BOD1L1: variants seen among roughly 807,000 people sequenced by gnomAD.
BOD1L1 encodes biorientation of chromosomes in cell division protein 1-like 1.
A neutral mutation model predicts 240.7 loss-of-function variants in BOD1L1; 86 were observed. The ratio of observed to expected loss-of-function variants is 0.36; its 90% CI spans 0.30 to 0.43. BOD1L1 has a LOEUF of 0.43. Among genes scored for constraint, BOD1L1 ranks in the 20% least tolerant of loss-of-function variants. BOD1L1 has a pLI of 1.00. For synonymous variants in BOD1L1, 1,268 were observed against 1,272.3 expected (o/e 1.00, Z 0.07); for missense variants, 3,554 against 3,643.5 (o/e 0.98, Z 0.63).
At chr4:13,587,437 CT>C in intron 16 of BOD1L1, among the ~76,000 whole-genome samples, 1 of 152,226 alleles carries the variant, frequency 6.6e-6, no homozygotes, top group Admixed American at 6.5e-5. Context: ...CCTGGCTGGG[CT>C]CCAGGGTGTG....
chr4:13,619,305 T>TA (rs10650324), intron 2 of BOD1L1, among the ~76,000 whole-genome samples: 26,424 of 130,734 alleles, frequency 0.2, 3,343 homozygotes, highest in African/African-American at 0.34. Flanking sequence ...TGAGACTCTT[T>TA]AAAAAAAAAA....
chr4:13,587,259 T>A (rs1713777720), intron 16 of BOD1L1, among the ~76,000 whole-genome samples: 1 of 152,206 alleles, frequency 6.6e-6, no homozygotes, highest in African/African-American at 2.4e-5. Flanking sequence ...ACAAAATAAA[T>A]GTACAAGACT....
Position 13,600,980 on chromosome 4 carries a change from C to T in BOD1L1, c.5920G>A (p.Gly1974Ser). 6.2e-6 allele frequency: 10 copies of T among 1,613,866 alleles called. No homozygotes were observed. The South Asian group carries it at 9.9e-5, about 16-fold the overall frequency. ...GKDEVTPVPG[G>S]CEGPMTSAAS... is the part of the protein sequence containing the mutation. Reference sequence around the variant, plus strand: ...GCACTAGTCATAGGACCCTCACAACCTCCTGGAACTGGTGTCACTTCATCC... The same window carrying T: ...GCACTAGTCATAGGACCCTCACAACTTCCTGGAACTGGTGTCACTTCATCC... Residue 1974 changes from glycine to serine, a missense_variant, in exon 10 of 26, where the codon GGT becomes AGT. Gly to Ser is a moderately conservative substitution (Grantham distance 56). Around this residue, in one of 2 missense-constraint regions of BOD1L1, gnomAD observed 3,393 missense variants for 3,427.1 expected, o/e 0.99. Transcript: ENST00000040738.
chr4:13,589,602 T>A (rs944550654), intron 14 of BOD1L1, among the ~76,000 whole-genome samples: 1 of 152,196 alleles, frequency 6.6e-6, no homozygotes, highest in African/African-American at 2.4e-5. Flanking sequence ...TGGACCTATA[T>A]ATAATTAATG....
chr4:13,600,029 C>A lies in BOD1L1; in HGVS notation c.6871G>T (p.Ala2291Ser). The A allele has an allele frequency of 1.9e-6, 3 of 1,608,996 alleles. No individual in the cohort carries two copies. Among genetic ancestry groups the A allele is most frequent in the Non-Finnish European group, 2.5e-6 (3 of 1,177,406 alleles). Residue 2291 changes from alanine to serine, a missense_variant, in exon 10 of 26, where the codon GCC (alanine) becomes TCC (serine). Ala to Ser is a moderately conservative substitution (Grantham distance 99). Around this residue, in one of 2 missense-constraint regions of BOD1L1, gnomAD observed 3,393 missense variants for 3,427.1 expected, o/e 0.99. Transcript: ENST00000040738. ...VTPAEEMGDT[A>S]MISTSTSEGC... Reference sequence around the variant, plus strand: ...TCAGAGGTGCTTGTGGAAATCATGGCGGTGTCACCCATCTCTTCCGCTGGT... The same window carrying A: ...TCAGAGGTGCTTGTGGAAATCATGGAGGTGTCACCCATCTCTTCCGCTGGT...
In BOD1L1 at chr4:13,586,357, C is replaced by G. The variant is rs763093850; in HGVS notation, c.8433+39G>C. 2.9e-6 allele frequency: 4 copies of G among 1,398,494 alleles called. No individual in the cohort carries two copies. In the South Asian group the frequency reaches 4.8e-5, roughly 17 times the overall value. The allele number at this position is 1,398,494 out of a possible 1,614,324, so 86.6% of individuals were successfully genotyped here. The stretch of plus-strand genomic sequence containing the variant: ...CAATGCTGTAATTAGGCCTCCCTAC[C>G]CCCACCCAAAACTTAAAACTAATAT... On this transcript the variant is annotated intron_variant, in intron 17 of 25. Transcript: ENST00000040738.
At chr4:13,597,675 A>T (rs922601734) in intron 10 of BOD1L1, among the ~76,000 whole-genome samples, 2 of 152,204 alleles carry the variant, frequency 1.3e-5, no homozygotes, top group Non-Finnish European at 2.9e-5. Context: ...TGCCTCTTAT[A>T]TCCTTCTTTA....
intron 5 of BOD1L1, among the ~76,000 whole-genome samples, chr4:13,612,725 C>T (rs1039746025): frequency 6.6e-6 from 1 of 152,064 alleles, no homozygotes; most frequent in Non-Finnish European, 1.5e-5. Context: ...TTTCAGAGTG[C>T]GAAGGCTCTT....
intron 2 of BOD1L1, among the ~76,000 whole-genome samples, chr4:13,617,544 G>A (rs1007785494): frequency 2.0e-5 from 3 of 152,148 alleles, no homozygotes; most frequent in African/African-American, 4.8e-5. Flanking sequence ...AACAGCTGGC[G>A]TTTTTCTGGT....
chr4:13,602,117 C>T lies in BOD1L1; in HGVS notation c.4783G>A (p.Val1595Ile). The change falls in exon 10 of 26, where the codon GTT (valine) becomes ATT (isoleucine). Residue 1595 changes from valine (V) to isoleucine (I), a missense_variant. By Grantham distance (29) the Val-to-Ile change is conservative. Coordinates refer to ENST00000040738, the MANE Select transcript of BOD1L1 (RefSeq NM_148894.3). ...VFAAAEEGGA[V>I]VTEGFAESET... ...CTTTCAGCAAATCCCTCTGTGACAA[C>T]AGCCCCACCTTCTTCAGCTGCAGCA... The T allele has an allele frequency of 1.2e-6, 2 of 1,614,030 alleles. No individual in the cohort carries two copies. The highest frequency in any genetic ancestry group is 1.7e-6 in the Non-Finnish European group (2 of 1,179,898).
At chr4:13,573,529 C>T (rs1712430696) in intron 25 of BOD1L1, among the ~76,000 whole-genome samples, 1 of 147,952 alleles carries the variant, frequency 6.8e-6, no homozygotes, top group South Asian at 2.1e-4. Context: ...ATCTTTCTTT[C>T]TTTCTTTCTT....
intron 15 of BOD1L1, among the ~76,000 whole-genome samples, chr4:13,588,003 G>A (rs959902135): frequency 1.3e-5 from 2 of 152,114 alleles, no homozygotes; most frequent in African/African-American, 4.8e-5. Context: ...GGCTAACACG[G>A]TGAAACCCCG....
At chr4:13,584,828 A>G (rs1713544091) in intron 17 of BOD1L1, among the ~76,000 whole-genome samples, 1 of 152,166 alleles carries the variant, frequency 6.6e-6, no homozygotes, top group African/African-American at 2.4e-5. Context: ...ATAAAATGGC[A>G]CATATTTACT....
Position 13,600,761 on chromosome 4 carries a change from T to G in BOD1L1, c.6139A>C (p.Met2047Leu). 6.2e-7 allele frequency: 1 copy of G among 1,614,054 alleles called. No individual in the cohort carries two copies. The highest frequency in any genetic ancestry group is 2.2e-5 in the East Asian group (1 of 44,888). The change falls in exon 10 of 26, where the codon ATG (methionine) becomes CTG (leucine). Residue 2047 changes from methionine (M) to leucine (L), a missense_variant. Transcript: ENST00000040738. ...ATATCACCACTGGCTGTAGTTGCCATGAGACCATCACACTCTTCATTTTCT... is the reference window on the plus strand; with the variant it reads ...ATATCACCACTGGCTGTAGTTGCCAGGAGACCATCACACTCTTCATTTTCT... ...SVENEECDGLMATTASGDITN... is the reference protein window; with the variant it reads ...SVENEECDGLLATTASGDITN...
In BOD1L1 at chr4:13,605,026, C is replaced by T. The variant is rs765014830; in HGVS notation, c.1874G>A (p.Ser625Asn). The T allele has an allele frequency of 6.2e-7, 1 of 1,601,432 alleles. No individual in the cohort carries two copies. The highest frequency in any genetic ancestry group is 8.5e-7 in the Non-Finnish European group (1 of 1,176,550). Reference sequence around the variant, plus strand: ...TCTCCGGGCAGGTTTACTTGGTTCACTTTTTGCATGAACATGCTTCAGCTC... The same window carrying T: ...TCTCCGGGCAGGTTTACTTGGTTCATTTTTTGCATGAACATGCTTCAGCTC... ...SKELKHVHAK[S>N]EPSKPARRLS... The change falls in exon 10 of 26, where the codon AGT becomes AAT. Residue 625 changes from serine to asparagine, a missense_variant. By Grantham distance (46) the Ser-to-Asn change is conservative. This residue lies in a region of BOD1L1 where 3,393 missense variants were observed against 3,427.1 expected (regional missense o/e 0.99). Transcript: ENST00000040738.
intron 17 of BOD1L1, among the ~76,000 whole-genome samples, chr4:13,584,408 G>A (rs1713487992): frequency 6.6e-6 from 1 of 150,762 alleles, no homozygotes; most frequent in African/African-American, 2.4e-5. Context: ...GTCAGCATGT[G>A]TGCGTGTGTG....
Position 13,601,310 on chromosome 4 carries a change from C to T in BOD1L1, c.5590G>A (p.Asp1864Asn), listed in dbSNP as rs1244560804. The T allele has an allele frequency of 6.2e-7, 1 of 1,614,032 alleles. No homozygotes were observed. The highest frequency in any genetic ancestry group is 8.5e-7 in the Non-Finnish European group (1 of 1,179,900). Residue 1864 changes from aspartate to asparagine, a missense_variant, in exon 10 of 26, where the codon GAC (aspartate) becomes AAC (asparagine). Around this residue, in one of 2 missense-constraint regions of BOD1L1, gnomAD observed 3,393 missense variants for 3,427.1 expected, o/e 0.99. Transcript: ENST00000040738. ...IVTSTGAKEEDEEGEDVVTST... is the reference protein window; with the variant it reads ...IVTSTGAKEENEEGEDVVTST... The stretch of plus-strand genomic sequence containing the variant: ...GTCACAACATCCTCCCCTTCCTCGT[C>T]TTCCTCTTTTGCGCCTGTGCTAGTC...
At position 13,601,362 on chromosome 4, in the gene BOD1L1, A is replaced by C. The variant is rs1715140870; in HGVS notation, c.5538T>G (p.Ala1846=). Residue 1846 remains alanine, a synonymous_variant, in exon 10 of 26, where the codon GCT becomes GCG. Transcript: ENST00000040738. ...KEGTNVPLVA[A]GPCDDEGIVT... ...CAATGCCTTCATCATCACAAGGACC[A>C]GCAGCAACTAATGGTACATTAGTGC... 1.2e-6 allele frequency: 2 copies of C among 1,614,048 alleles called. No individual in the cohort carries two copies. The highest frequency in any genetic ancestry group is 2.2e-5 in the South Asian group (2 of 91,070).
chr4:13,577,105 G>A, intron 24 of BOD1L1, 114 bp from the exon 25 acceptor site: 1 of 1,261,182 alleles, frequency 7.9e-7, no homozygotes, highest in Non-Finnish European at 1.1e-6. Flanking sequence ...CAGAGAAATG[G>A]TTTTCCACTT....
Sources: gnomAD v4.1 joint callset for allele counts (sites outside exome capture counted in the v4.1 genomes callset) on GRCh38, gnomAD v4.1.1 for gene constraint, gnomAD v4.1.1 regional missense constraint, MANE v1.5 for transcripts, NCBI Gene and HGNC (gene_info 2026-07-23, HGNC 2026-07-21) for gene names.